Variants in DPP6 observed in about 807,000 individuals in gnomAD.
DPP6 encodes the protein dipeptidyl peptidase like 6.
Under a neutral mutation model 122.6 loss-of-function variants are expected in DPP6, and 69 were observed. That is an observed-to-expected ratio of 0.56 (90% CI 0.46 to 0.69). The LOEUF (loss-of-function observed/expected upper bound fraction) is 0.69, where lower values mean the gene tolerates loss of function less well. Among genes scored for constraint, DPP6 ranks in the 30% least tolerant of loss-of-function variants. The pLI, the probability that DPP6 is intolerant of heterozygous loss-of-function variation, is 0.00. For missense variants in DPP6, 928 were observed against 1,116.9 expected (o/e 0.83, Z 2.41); for synonymous variants, 418 against 433.1 (o/e 0.97, Z 0.43).
At chr7:153,960,843 A>G (rs938390856) in intron 1 of DPP6, among the ~76,000 whole-genome samples, 1 of 150,860 alleles carries the variant, frequency 6.6e-6, no homozygotes, top group Admixed American at 6.6e-5. Context: ...GCCTGAGGAC[A>G]TGAGTACCTT....
At chr7:154,770,540 G>A (rs944100511) in intron 9 of DPP6, among the ~76,000 whole-genome samples, 10 of 152,174 alleles carry the variant, frequency 6.6e-5, no homozygotes, top group Non-Finnish European at 1.2e-4. Flanking sequence ...CGTCCTCTGT[G>A]AACCAGAAAT....
intron 10 of DPP6, among the ~76,000 whole-genome samples, chr7:154,782,054 G>A (rs556182173): frequency 1.3e-5 from 2 of 152,328 alleles, no homozygotes; most frequent in African/African-American, 2.4e-5. Flanking sequence ...GCCAGGCTGT[G>A]CCATTGCATG....
At chr7:154,472,396 A>T (rs1822354388) in intron 2 of DPP6, among the ~76,000 whole-genome samples, 1 of 152,016 alleles carries the variant, frequency 6.6e-6, no homozygotes, top group African/African-American at 2.4e-5. Context: ...TCCTAGCTTG[A>T]ATGTTTTTCT....
chr7:154,500,241 G>C (rs558833048), intron 3 of DPP6, among the ~76,000 whole-genome samples: 1 of 152,316 alleles, frequency 6.6e-6, no homozygotes, highest in African/African-American at 2.4e-5. Context: ...AATTATTATA[G>C]ATAGTGGTGA....
intron 7 of DPP6, among the ~76,000 whole-genome samples, chr7:154,706,473 C>T (rs959827046): frequency 5.3e-5 from 8 of 152,184 alleles, no homozygotes; most frequent in Admixed American, 5.2e-4. Flanking sequence ...TGTCAGGATG[C>T]CTGGCCAGGC....
In DPP6 at chr7:154,119,252, A is replaced by T. The variant is rs188877967; in HGVS notation, c.243+66189A>T. ...GGGCCATTATGCTCTGGAGGTTTTCATCGTGTAACTGAACACAGGTCCGGA... is the reference window on the plus strand; with the variant it reads ...GGGCCATTATGCTCTGGAGGTTTTCTTCGTGTAACTGAACACAGGTCCGGA... On this transcript the variant is annotated intron_variant, in intron 1 of 25. Transcript: ENST00000377770. 2.2e-3 allele frequency among the ~76,000 whole-genome samples: 340 copies of T among 152,326 alleles called. 1 individual carries two copies. Among genetic ancestry groups the T allele is most frequent in the African/African-American group, 7.8e-3 (323 of 41,562 alleles).
At chr7:154,299,752 G>T (rs991470441) in intron 1 of DPP6, among the ~76,000 whole-genome samples, 1 of 152,124 alleles carries the variant, frequency 6.6e-6, no homozygotes, top group African/African-American at 2.4e-5. Context: ...TTTCTTGTAG[G>T]GCTTTCGTCT....
At chr7:154,274,865 T>C (rs895302214) in intron 1 of DPP6, among the ~76,000 whole-genome samples, 1 of 152,232 alleles carries the variant, frequency 6.6e-6, no homozygotes, top group Non-Finnish European at 1.5e-5. Flanking sequence ...TTTTTGAAAA[T>C]GAAGTGGAAC....
At chr7:154,671,172 G>T (rs1321554493) in intron 7 of DPP6, among the ~76,000 whole-genome samples, 2 of 152,180 alleles carry the variant, frequency 1.3e-5, no homozygotes, top group Non-Finnish European at 2.9e-5. Context: ...ATCTCTAATA[G>T]TTGACTTTAA....
At chr7:154,437,907 A>G (rs536990086) in intron 1 of DPP6, among the ~76,000 whole-genome samples, 42 of 152,324 alleles carry the variant, frequency 2.8e-4, no homozygotes, top group African/African-American at 9.9e-4. Context: ...ACTGCACTCC[A>G]GCCTGGATGA....
At chr7:154,258,153 G>A (rs986787154) in intron 1 of DPP6, among the ~76,000 whole-genome samples, 1 of 150,768 alleles carries the variant, frequency 6.6e-6, no homozygotes, top group Admixed American at 6.6e-5. Context: ...GGGGAGGCGA[G>A]GGGAGGGGAG....
At chr7:154,393,717 G>A (rs1814829398) in intron 1 of DPP6, among the ~76,000 whole-genome samples, 1 of 152,054 alleles carries the variant, frequency 6.6e-6, no homozygotes, top group African/African-American at 2.4e-5. Flanking sequence ...CATTAATAAT[G>A]TTGTATGATG....
chr7:154,148,679 T>C (rs1358632693), intron 1 of DPP6, among the ~76,000 whole-genome samples: 1 of 152,304 alleles, frequency 6.6e-6, no homozygotes, highest in African/African-American at 2.4e-5. Context: ...AGCAGTGATA[T>C]TTAATTTATT....
chr7:154,431,376 C>A (rs559420271), intron 1 of DPP6, among the ~76,000 whole-genome samples: 1 of 152,192 alleles, frequency 6.6e-6, no homozygotes, highest in Non-Finnish European at 1.5e-5. Context: ...CACTCCAGGC[C>A]CCCAGCTCCA....
chr7:154,782,293 G>A (rs1401674907), intron 10 of DPP6, among the ~76,000 whole-genome samples: 2 of 152,164 alleles, frequency 1.3e-5, no homozygotes, highest in Admixed American at 1.3e-4. Context: ...TTGGTATCAT[G>A]CTCTTTTTAA....
At chr7:154,318,472 C>T (rs890823782) in intron 1 of DPP6, among the ~76,000 whole-genome samples, 7 of 152,178 alleles carry the variant, frequency 4.6e-5, no homozygotes, top group Non-Finnish European at 1.5e-5. Flanking sequence ...ACCTCTCTTC[C>T]AGCCCCCAAA....
chr7:154,853,921 C>T, intron 17 of DPP6, 94 bp downstream of exon 17: 4 of 1,520,168 alleles, frequency 2.6e-6, no homozygotes, highest in Non-Finnish European at 3.6e-6. Context: ...TTCTCCTACT[C>T]AGAGACAGAG....
chr7:153,796,731 C>T, the DPP6 span, among the ~76,000 whole-genome samples: 1 of 152,062 alleles, frequency 6.6e-6, no homozygotes, highest in Non-Finnish European at 1.5e-5. Flanking sequence ...ATCAATCATA[C>T]CTACATAATG....
chr7:154,624,326 T>TAAAA lies in DPP6; in HGVS notation c.628-13482_628-13479dup, dbSNP rs34931013. Among the ~76,000 whole-genome samples the TAAAA allele has an allele frequency of 0.027, 3,832 of 139,894 alleles. 71 individuals carry two copies. Among genetic ancestry groups the TAAAA allele is most frequent in the Middle Eastern group, 0.063 (17 of 270 alleles). 91.8% of individuals were successfully genotyped at this position (139,894 alleles called of 152,430 possible). A position where few individuals can be genotyped will look rare whatever the true frequency, so the allele number is the denominator to read the frequency against. ...AGGGCGACAGAGTGAGACTCCATCTTAAAAAAAAAAAAAAAATCAGCTTGG... is the reference window on the plus strand; with the variant it reads ...AGGGCGACAGAGTGAGACTCCATCTTAAAAAAAAAAAAAAAAAAAATCAGCTTGG... On this transcript the variant is annotated intron_variant, in intron 5 of 25. Coordinates refer to ENST00000377770, the MANE Select transcript of DPP6 (RefSeq NM_130797.4). The surrounding 1 kb of genome is among the most constrained non-coding windows in gnomAD (Gnocchi z 4.7).
Sources: gnomAD v4.1 joint callset for allele counts (sites outside exome capture counted in the v4.1 genomes callset) on GRCh38, gnomAD v4.1.1 for gene constraint, Gnocchi (gnomAD v3.1) non-coding constraint, MANE v1.5 for transcripts, NCBI Gene and HGNC (gene_info 2026-07-23, HGNC 2026-07-21) for gene names.